LMO3: variants seen among roughly 807,000 people sequenced by gnomAD.
LMO3 encodes LIM domain only protein 3.
LMO3 carries 2 observed loss-of-function variants against 15.8 expected under a neutral mutation model. The observed-to-expected ratio is 0.13, with a 90% confidence interval of 0.05 to 0.40. LMO3 has a LOEUF of 0.40. LMO3 is among the 10% of genes least tolerant of loss of function. The pLI is 0.99. For synonymous variants in LMO3, 62 were observed against 63.8 expected (o/e 0.97, Z 0.13); for missense variants, 86 against 182.2 (o/e 0.47, Z 3.04).
At position 16,585,839 on chromosome 12, in the gene LMO3, G is replaced by A. The variant is rs1348179927; in HGVS notation, c.206+14816C>T. Among the ~76,000 whole-genome samples the A allele has an allele frequency of 6.6e-6, 1 of 152,154 alleles. No homozygotes were observed. The highest frequency in any genetic ancestry group is 1.5e-5 in the Non-Finnish European group (1 of 68,030). On this transcript the variant is annotated intron_variant, in intron 2 of 3. Transcript: ENST00000537304. The surrounding 1 kb of genome is among the most constrained non-coding windows in gnomAD (Gnocchi z 4.7). Reference sequence around the variant, plus strand: ...TGGGCTTCCCAGGAAACAAAGAAAAGAGGGAAAATGTCAACATGTATATGA... The same window carrying A: ...TGGGCTTCCCAGGAAACAAAGAAAAAAGGGAAAATGTCAACATGTATATGA...
At chr12:16,594,385 A>G (rs1010975952) in intron 2 of LMO3, 11 of 770,786 alleles carry the variant, frequency 1.4e-5, no homozygotes, top group Non-Finnish European at 1.9e-5. Flanking sequence ...CATGGCTAAT[A>G]CAAATGGAGT....
intron 2 of LMO3, among the ~76,000 whole-genome samples, chr12:16,567,127 C>T (rs548520215): frequency 7.5e-4 from 114 of 152,094 alleles, no homozygotes; most frequent in South Asian, 1.5e-3. Flanking sequence ...ACCTGCGAGG[C>T]GGAGGTTGCA....
chr12:16,554,504 T>C (rs1257886102), intron 3 of LMO3, among the ~76,000 whole-genome samples: 1 of 152,196 alleles, frequency 6.6e-6, no homozygotes, highest in Non-Finnish European at 1.5e-5. Flanking sequence ...ACTATACACC[T>C]GTGAACAAAT....
At chr12:16,608,769 G>A (rs1591843842), upstream of LMO3, 1 of 152,058 alleles carries the variant, frequency 6.6e-6, no homozygotes, top group Admixed American at 6.6e-5. The surrounding 1 kb of genome is among the most constrained non-coding windows in gnomAD (Gnocchi z 4.1). Context: ...GGAACTTAGC[G>A]AATAATATGC....
At chr12:16,572,892 C>T (rs145362755) in intron 2 of LMO3, among the ~76,000 whole-genome samples, 41 of 151,530 alleles carry the variant, frequency 2.7e-4, no homozygotes, top group African/African-American at 9.4e-4. Context: ...AATTTATTCA[C>T]CTAATTTTTA....
At chr12:16,553,651 G>C (rs1406018329) in intron 3 of LMO3, among the ~76,000 whole-genome samples, 1 of 152,068 alleles carries the variant, frequency 6.6e-6, no homozygotes, top group Non-Finnish European at 1.5e-5. Flanking sequence ...AAACAAAACA[G>C]CCTTGAAAGC....
At chr12:16,600,408 C>T (rs1591831952) in intron 2 of LMO3, 1 of 448,810 alleles carries the variant, frequency 2.2e-6, no homozygotes, top group East Asian at 3.8e-5. Flanking sequence ...ATAGGCAGCG[C>T]CATAACCAAC....
intron 2 of LMO3, among the ~76,000 whole-genome samples, chr12:16,588,249 T>C (rs1159274624): frequency 1.3e-5 from 2 of 151,932 alleles, no homozygotes; most frequent in Admixed American, 6.6e-5. Context: ...TATAAATATA[T>C]ACAAATATAC....
chr12:16,597,377 TTAATA>T lies in LMO3; in HGVS notation c.206+3273_206+3277del, dbSNP rs1404928060. On this transcript the variant is annotated intron_variant, in intron 2 of 3. Coordinates refer to ENST00000537304, the MANE Select transcript of LMO3 (RefSeq NM_018640.5). This position sits in a 1 kb window ranked among gnomAD's most constrained non-coding sequence, Gnocchi z 5.0. ...CTAAATTATTATATTTTCATATTAT[TTAATA>T]TCTCAAATCATCATTCAAAGAACTT... 6.6e-6 allele frequency among the ~76,000 whole-genome samples: 1 copy of T among 151,766 alleles called. No individual in the cohort carries two copies. Among genetic ancestry groups the T allele is most frequent in the Admixed American group, 6.6e-5 (1 of 15,206 alleles).
intron 3 of LMO3, among the ~76,000 whole-genome samples, chr12:16,553,867 GAAA>G (rs75193044): frequency 7.5e-6 from 1 of 132,674 alleles, no homozygotes. Flanking sequence ...GCATTTGCAG[GAAA>G]AAAAAAAAAA....
At chr12:16,556,898 A>G (rs1389757051) in intron 3 of LMO3, among the ~76,000 whole-genome samples, 1 of 152,230 alleles carries the variant, frequency 6.6e-6, no homozygotes, top group Non-Finnish European at 1.5e-5. Context: ...ATGCAGTCCC[A>G]TTATGGCATG....
At position 16,581,089 on chromosome 12, in the gene LMO3, T is replaced by C. The variant is rs148765471; in HGVS notation, c.206+19566A>G. On this transcript the variant is annotated intron_variant, in intron 2 of 3. Coordinates refer to ENST00000537304, the MANE Select transcript of LMO3 (RefSeq NM_018640.5). ...TAAATAGTTAGGTACAAGAAAACCA[T>C]TGGTTATCTGGAGAGAAACAAAGGA... 3.0e-3 allele frequency among the ~76,000 whole-genome samples: 464 copies of C among 152,354 alleles called. 2 individuals carry two copies. Among genetic ancestry groups the C allele is most frequent in the Middle Eastern group, 6.8e-3 (2 of 294 alleles).
At position 16,598,959 on chromosome 12, in the gene LMO3, C is replaced by A; in HGVS notation, c.206+1696G>T. On this transcript the variant is annotated intron_variant, in intron 2 of 3. Transcript: ENST00000537304. The surrounding 1 kb of genome is among the most constrained non-coding windows in gnomAD (Gnocchi z 4.3). ...TATTTGAAATGGTAACATAAATCCA[C>A]TTGAGATACTGAAATTACAAACAAA... is the stretch of plus-strand genomic sequence containing the variant. The A allele has an allele frequency of 3.3e-6, 1 of 301,920 alleles. No individual in the cohort carries two copies. 18.7% of individuals were successfully genotyped at this position (301,920 alleles called of 1,614,324 possible). A position where few individuals can be genotyped will look rare whatever the true frequency, so the allele number is the denominator to read the frequency against.
At chr12:16,558,108 A>G (rs1056403354) in intron 3 of LMO3, among the ~76,000 whole-genome samples, 7 of 152,096 alleles carry the variant, frequency 4.6e-5, no homozygotes, top group South Asian at 2.1e-4. Context: ...CACAAAATAT[A>G]AATTGAGTGA....
chr12:16,600,849 G>C lies in LMO3; in HGVS notation c.12C>G (p.Val4=). 6.2e-7 allele frequency: 1 copy of C among 1,613,966 alleles called. No homozygotes were observed. Among genetic ancestry groups the C allele is most frequent in the Non-Finnish European group, 8.5e-7 (1 of 1,179,934 alleles). The change falls in exon 2 of 4, where the codon GTC becomes GTG. Residue 4 remains valine (V), a synonymous_variant. Coordinates refer to ENST00000537304, the MANE Select transcript of LMO3 (RefSeq NM_018640.5). MLS[V]QPDTKPKGCA... is the part of the protein sequence containing the mutation. ...AACCTTTCGGCTTGGTGTCTGGCTG[G>C]ACTGAGAGCATTTGTATACCTAAAG... is the stretch of plus-strand genomic sequence containing the variant.
At chr12:16,558,234 G>A (rs1942264046) in intron 3 of LMO3, among the ~76,000 whole-genome samples, 1 of 151,976 alleles carries the variant, frequency 6.6e-6, no homozygotes, top group Admixed American at 6.6e-5. Context: ...TGTATGGCTG[G>A]CTATATATCA....
rs919516216 is a variant in LMO3, at chr12:16,604,713, T to C, written c.-9+1353A>G. The stretch of plus-strand genomic sequence containing the variant: ...ATTTGTTGCATCTAGCAAGATTAAT[T>C]GGTTTAAGCAGCAGTCTTTCAAAGC... On this transcript the variant is annotated intron_variant, in intron 1 of 3. Transcript: ENST00000537304. This position sits in a 1 kb window ranked among gnomAD's most constrained non-coding sequence, Gnocchi z 5.3. 30 of 781,082 alleles carry C rather than the reference T, an allele frequency of 3.8e-5. No individual in the cohort carries two copies. In the African/African-American group the frequency reaches 5.0e-4, roughly 13 times the overall value. 48.4% of individuals were successfully genotyped at this position (781,082 alleles called of 1,614,324 possible).
intron 2 of LMO3, among the ~76,000 whole-genome samples, chr12:16,575,079 CAT>C (rs1223993081): frequency 6.6e-6 from 1 of 152,092 alleles, no homozygotes; most frequent in East Asian, 1.9e-4. Flanking sequence ...CCTAGAAAAA[CAT>C]AACAGGGCAA....
intron 2 of LMO3, among the ~76,000 whole-genome samples, chr12:16,566,644 A>T (rs1942621545): frequency 6.6e-6 from 1 of 152,176 alleles, no homozygotes; most frequent in Non-Finnish European, 1.5e-5. Context: ...TTATTTCATA[A>T]TTAAATCTAT....
Sources: allele counts gnomAD v4.1 joint callset (sites outside exome capture counted in the v4.1 genomes callset), GRCh38; gene constraint gnomAD v4.1.1; non-coding constraint Gnocchi (gnomAD v3.1); transcripts MANE v1.5; gene names NCBI Gene and HGNC (gene_info 2026-07-23, HGNC 2026-07-21).